DSE: variants seen among roughly 807,000 people sequenced by gnomAD.
DSE encodes the protein dermatan-sulfate epimerase.
A neutral mutation model predicts 84.4 loss-of-function variants in DSE; 36 were observed. That is an observed-to-expected ratio of 0.43 (90% confidence interval 0.33 to 0.56). The LOEUF is 0.56. DSE is among the 20% of genes least tolerant of loss of function. The pLI is 0.06. For missense variants in DSE, 862 were observed against 1,169.6 expected (o/e 0.74, Z 3.84); for synonymous variants, 410 against 430.1 (o/e 0.95, Z 0.58).
intron 2 of DSE, among the ~76,000 whole-genome samples, chr6:116,266,450 A>G (rs1341242126): frequency 6.6e-6 from 1 of 152,204 alleles, no homozygotes; most frequent in African/African-American, 2.4e-5. Flanking sequence ...AGGGGAAAAA[A>G]TCTCAGAAGC....
chr6:116,399,399 G>A lies in DSE; in HGVS notation c.149G>A (p.Arg50Lys). The change falls in exon 2 of 6, where the codon AGG becomes AAG. Residue 50 changes from arginine to lysine, a missense_variant. By Grantham distance (26) the Arg-to-Lys change is conservative. This residue lies in a region of DSE where 309 missense variants were observed against 516.9 expected (regional missense o/e 0.60). Transcript: ENST00000644252. ...AGCCATCCCATGCTGTACTTCTCCA[G>A]GGCAGAAGTGGCGGAGCTGCAGCTC... ...YDSHPMLYFS[R>K]AEVAELQLRA... 6.2e-7 allele frequency: 1 copy of A among 1,614,144 alleles called. No homozygotes were observed. Among genetic ancestry groups the A allele is most frequent in the Non-Finnish European group, 8.5e-7 (1 of 1,180,056 alleles).
chr6:116,307,012 A>G (rs73767734), intron 2 of DSE, among the ~76,000 whole-genome samples: 1 of 152,204 alleles, frequency 6.6e-6, no homozygotes, highest in Admixed American at 6.5e-5. Flanking sequence ...GGGCAGCATG[A>G]GCAGACTAAT....
intron 2 of DSE, among the ~76,000 whole-genome samples, chr6:116,327,770 T>C (rs1776707107): frequency 6.6e-6 from 1 of 152,248 alleles, no homozygotes; most frequent in South Asian, 2.1e-4. Flanking sequence ...TGATATATTT[T>C]ACCTGCCTAA....
chr6:116,267,521 G>T (rs571113806), intron 2 of DSE, among the ~76,000 whole-genome samples: 3 of 152,074 alleles, frequency 2.0e-5, no homozygotes, highest in African/African-American at 7.2e-5. Flanking sequence ...CAATATTTGT[G>T]TTCTAAGCTA....
chr6:116,371,107 C>T lies in DSE; in HGVS notation c.-68C>T, dbSNP rs1352317603. The T allele has an allele frequency of 3.0e-6, 3 of 986,136 alleles. No homozygotes were observed. The highest frequency in any genetic ancestry group is 3.6e-6 in the Non-Finnish European group (3 of 830,638). The allele number at this position is 986,136 out of a possible 1,614,324, so 61.1% of individuals were successfully genotyped here. A position where few individuals can be genotyped will look rare whatever the true frequency, so the allele number is the denominator to read the frequency against. ...GGAGGCGACGCCGGAGAGAACGAAG[C>T]CTCGGCTGGGAGCGGTAAGTGGAGG... On this transcript the variant is annotated 5_prime_UTR_variant, in exon 1 of 6. Coordinates refer to ENST00000644252, the MANE Select transcript of DSE (RefSeq NM_013352.4).
At chr6:116,260,257 A>T (rs1310159119) in intron 2 of DSE, among the ~76,000 whole-genome samples, 1 of 151,886 alleles carries the variant, frequency 6.6e-6, no homozygotes, top group Non-Finnish European at 1.5e-5. Flanking sequence ...TTTTTTTTTC[A>T]CATGAATATT....
At chr6:116,351,610 G>T (rs1326279915) in intron 2 of DSE, among the ~76,000 whole-genome samples, 3 of 151,830 alleles carry the variant, frequency 2.0e-5, no homozygotes, top group African/African-American at 7.3e-5. Flanking sequence ...CTACATAATA[G>T]GAAATGTTTA....
chr6:116,357,866 G>C (rs59149647), intron 2 of DSE, among the ~76,000 whole-genome samples: 5 of 151,958 alleles, frequency 3.3e-5, no homozygotes, highest in African/African-American at 7.3e-5. Context: ...AGAAATGCCC[G>C]GCCCATGTCT....
chr6:116,406,286 G>T (rs1226247282), intron 2 of DSE, among the ~76,000 whole-genome samples: 2 of 152,110 alleles, frequency 1.3e-5, no homozygotes, highest in Non-Finnish European at 2.9e-5. Context: ...TCTTTAATTG[G>T]GGTATAAATC....
chr6:116,422,642 A>G (rs1391848270), intron 2 of DSE, among the ~76,000 whole-genome samples: 1 of 152,212 alleles, frequency 6.6e-6, no homozygotes, highest in Non-Finnish European at 1.5e-5. Context: ...CCACTTCATC[A>G]AGGACATTTT....
chr6:116,436,041 G>A lies in DSE; in HGVS notation c.1573G>A (p.Val525Met), dbSNP rs1784131119. 2 of 1,614,144 alleles carry A rather than the reference G, an allele frequency of 1.2e-6. No individual in the cohort carries two copies. Among genetic ancestry groups the A allele is most frequent in the Admixed American group, 1.7e-5 (1 of 60,022 alleles). The change falls in exon 6 of 6, where the codon GTG becomes ATG. Residue 525 changes from valine (V) to methionine (M), a missense_variant. This residue lies in a region of DSE where 186 missense variants were observed against 255.1 expected (regional missense o/e 0.73). Coordinates refer to ENST00000644252, the MANE Select transcript of DSE (RefSeq NM_013352.4). Reference protein sequence around the residue: ...HDLAASCQGRVVAAEEKNGVV... With the variant: ...HDLAASCQGRMVAAEEKNGVV... ...CCTGGCAGCTAGTTGTCAGGGGAGG[G>A]TGGTTGCAGCAGAGGAGAAAAATGG...
intron 2 of DSE, among the ~76,000 whole-genome samples, chr6:116,333,884 A>G (rs1777093007): frequency 6.6e-6 from 1 of 152,134 alleles, no homozygotes; most frequent in Non-Finnish European, 1.5e-5. Flanking sequence ...AAAATATTGC[A>G]ATTCTTGAGT....
chr6:116,407,315 T>C (rs1240352313), intron 2 of DSE, among the ~76,000 whole-genome samples: 4 of 152,274 alleles, frequency 2.6e-5, no homozygotes, highest in African/African-American at 9.6e-5. Context: ...ATGGAGAATA[T>C]GGGGAGGAGA....
At chr6:116,425,148 T>C (rs1408477899) in intron 2 of DSE, among the ~76,000 whole-genome samples, 2 of 152,262 alleles carry the variant, frequency 1.3e-5, no homozygotes, top group African/African-American at 4.8e-5. Context: ...TAAATGTTGG[T>C]ATTTCATGCC....
At chr6:116,276,946 G>A (rs191219942) in intron 2 of DSE, 21 of 152,254 alleles carry the variant, frequency 1.4e-4, no homozygotes, top group Admixed American at 1.2e-3. Flanking sequence ...AATTTGACAA[G>A]CCTAACAAAG....
In DSE at chr6:116,436,021, C is replaced by T. The variant is rs752185252; in HGVS notation, c.1553C>T (p.Ala518Val). The change falls in exon 6 of 6, where the codon GCA becomes GTA. Residue 518 changes from alanine to valine, a missense_variant. This residue lies in a region of DSE where 186 missense variants were observed against 255.1 expected (regional missense o/e 0.73). Transcript: ENST00000644252. ...TGGTCTAAATACAAGCATGACCTGG[C>T]AGCTAGTTGTCAGGGGAGGGTGGTT... is the stretch of plus-strand genomic sequence containing the variant. ...SKWSKYKHDLAASCQGRVVAA... is the reference protein window; with the variant it reads ...SKWSKYKHDLVASCQGRVVAA... 6.2e-7 allele frequency: 1 copy of T among 1,614,108 alleles called. No individual in the cohort carries two copies. Among genetic ancestry groups the T allele is most frequent in the Non-Finnish European group, 8.5e-7 (1 of 1,180,018 alleles).
rs770030257 is a variant in DSE, at chr6:116,279,003, C to T, written c.-54+20036C>T. ...TTCGAAAAGCAGTCATCCAGAAGCC[C>T]GGGATATTCTGAATGATGTAGTTCC... On this transcript the variant is annotated intron_variant, in intron 2 of 3. Coordinates refer to the DSE transcript ENST00000430252. 1.8e-5 allele frequency: 29 copies of T among 1,614,052 alleles called. 1 individual carries two copies. The South Asian group carries it at 2.9e-4, about 16-fold the overall frequency.
intron 1 of DSE, chr6:116,256,056 T>A (rs1427466959): frequency 1.3e-5 from 2 of 152,176 alleles, no homozygotes; most frequent in Non-Finnish European, 2.9e-5. Context: ...ACATTAGATT[T>A]TATAAACAAA....
upstream of DSE, among the ~76,000 whole-genome samples, chr6:116,369,561 A>G (rs916018827): frequency 1.3e-5 from 2 of 152,230 alleles, no homozygotes; most frequent in African/African-American, 4.8e-5. Context: ...TTAGTTTTCC[A>G]AGGCCCACAG....
Sources: allele counts gnomAD v4.1 joint callset (sites outside exome capture counted in the v4.1 genomes callset), GRCh38; gene constraint gnomAD v4.1.1; regional missense constraint gnomAD v4.1.1; transcripts MANE v1.5; gene names NCBI Gene and HGNC (gene_info 2026-07-23, HGNC 2026-07-21).